The following SNRK variants were observed in gnomAD, a reference collection of about 807,000 sequenced individuals.
The protein encoded by SNRK is SNF-related serine/threonine-protein kinase.
A neutral mutation model predicts 48.2 loss-of-function variants in SNRK; 3 were observed. That is an observed-to-expected ratio of 0.06 (90% confidence interval 0.03 to 0.16). SNRK has a LOEUF of 0.16. Among genes scored for constraint, SNRK ranks in the 10% least tolerant of loss-of-function variants. SNRK has a pLI of 1.00. For missense variants in SNRK, 627 were observed against 976.0 expected (o/e 0.64, Z 4.76); for synonymous variants, 376 against 366.1 (o/e 1.03, Z -0.31).
chr3:43,334,447 T>G (rs1052380836), intron 4 of SNRK, among the ~76,000 whole-genome samples: 2 of 151,314 alleles, frequency 1.3e-5, no homozygotes, highest in Non-Finnish European at 2.9e-5. Flanking sequence ...GGTAACAGAG[T>G]AAGACCCTGT....
chr3:43,335,110 T>C (rs547289137), intron 4 of SNRK, among the ~76,000 whole-genome samples: 18 of 152,328 alleles, frequency 1.2e-4, no homozygotes, highest in Middle Eastern at 3.4e-3. Flanking sequence ...TTTTCTCTTG[T>C]CTGTAGTATT....
At chr3:43,338,818 A>G (rs904268519) in intron 4 of SNRK, among the ~76,000 whole-genome samples, 4 of 152,114 alleles carry the variant, frequency 2.6e-5, no homozygotes, top group Non-Finnish European at 5.9e-5. Flanking sequence ...TTTTTTCTCA[A>G]CTGCCTAGTA....
chr3:43,319,197 G>A (rs544214555), intron 3 of SNRK, among the ~76,000 whole-genome samples: 1 of 152,130 alleles, frequency 6.6e-6, no homozygotes, highest in Non-Finnish European at 1.5e-5. Context: ...TGGTCATCAG[G>A]TTGATCTATT....
chr3:43,286,751 T>A (rs1390776596), intron 1 of SNRK, 76 bp downstream of exon 1: 2 of 147,384 alleles, frequency 1.4e-5, no homozygotes, highest in East Asian at 4.0e-4. Context: ...GCCGCCTCAG[T>A]AGCCTCCGCT....
chr3:43,317,213 C>T (rs1296630673), intron 3 of SNRK, among the ~76,000 whole-genome samples: 1 of 152,174 alleles, frequency 6.6e-6, no homozygotes, highest in Non-Finnish European at 1.5e-5. Flanking sequence ...ATGGGGCTGA[C>T]TGGCATAAGT....
intron 3 of SNRK, among the ~76,000 whole-genome samples, chr3:43,316,235 T>G (rs955512019): frequency 3.9e-5 from 6 of 152,226 alleles, no homozygotes; most frequent in African/African-American, 1.2e-4. Flanking sequence ...AAGGCTCAGA[T>G]CAAACAAAAT....
Position 43,347,681 on chromosome 3 carries a change from C to G in SNRK, c.1422C>G (p.Thr474=). The G allele has an allele frequency of 6.2e-7, 1 of 1,613,786 alleles. No individual in the cohort carries two copies. The highest frequency in any genetic ancestry group is 8.5e-7 in the Non-Finnish European group (1 of 1,180,006). The stretch of plus-strand genomic sequence containing the variant: ...TTTTGCGCCGGAAGCCATCTGTAAC[C>G]AACCGCCTGACATCCAGGAAGAGTG... ...QVVLRRKPSV[T]NRLTSRKSAP... The change falls in exon 7 of 7, where the codon ACC becomes ACG. Residue 474 remains threonine, a synonymous_variant. Coordinates refer to ENST00000296088, the MANE Select transcript of SNRK (RefSeq NM_017719.5). This position sits in a 1 kb window ranked among gnomAD's most constrained non-coding sequence, Gnocchi z 5.4.
At chr3:43,296,447 TTTAAGC>T (rs1302426262) in intron 1 of SNRK, among the ~76,000 whole-genome samples, 25 of 147,784 alleles carry the variant, frequency 1.7e-4, no homozygotes, top group Non-Finnish European at 3.4e-4. Flanking sequence ...TATATATATA[TTTAAGC>T]ATTTAATATG....
In SNRK at chr3:43,347,434, C is replaced by T. The variant is rs1307766065; in HGVS notation, c.1175C>T (p.Ala392Val). Residue 392 changes from alanine to valine, a missense_variant, in exon 7 of 7, where the codon GCT becomes GTT. Transcript: ENST00000296088. This position sits in a 1 kb window ranked among gnomAD's most constrained non-coding sequence, Gnocchi z 5.4. Reference sequence around the variant, plus strand: ...CACGCGACTGTCCCTCAGTCTCCTGCTCGGGCTGCTGACAGTGTCCTCAAT... The same window carrying T: ...CACGCGACTGTCCCTCAGTCTCCTGTTCGGGCTGCTGACAGTGTCCTCAAT... The part of the protein sequence containing the change: ...LSHATVPQSP[A>V]RAADSVLNGH... 9.3e-6 allele frequency: 15 copies of T among 1,613,980 alleles called. No individual in the cohort carries two copies. Among genetic ancestry groups the T allele is most frequent in the Non-Finnish European group, 1.1e-5 (13 of 1,180,026 alleles).
intron 1 of SNRK, among the ~76,000 whole-genome samples, chr3:43,287,097 C>G (rs911225205): frequency 6.6e-6 from 1 of 151,760 alleles, no homozygotes; most frequent in African/African-American, 2.4e-5. Flanking sequence ...GGTGTGTGTT[C>G]TTTGAATGCG....
At chr3:43,340,726 A>AAC in intron 5 of SNRK, 1 of 541,638 alleles carries the variant, frequency 1.8e-6, no homozygotes. Context: ...GGGTGGTTTC[A>AAC]GTGAGTGCTG....
intron 6 of SNRK, among the ~76,000 whole-genome samples, chr3:43,343,812 G>A (rs1356541298): frequency 6.6e-6 from 1 of 152,058 alleles, no homozygotes; most frequent in African/African-American, 2.4e-5. Flanking sequence ...GTATTAATCT[G>A]TTATTTTCTT....
Position 43,288,997 on chromosome 3 carries a change from T to C in SNRK, c.-169+2322T>C, listed in dbSNP as rs542080773. Among the ~76,000 whole-genome samples, 9 of 152,318 alleles carry C rather than the reference T, an allele frequency of 5.9e-5. No homozygotes were observed. The East Asian group carries it at 1.5e-3, about 26-fold the overall frequency. On this transcript the variant is annotated intron_variant, in intron 1 of 6. Coordinates refer to ENST00000296088, the MANE Select transcript of SNRK (RefSeq NM_017719.5). ...ATCATTTATTCATGGAATGTTTGTGTGTCTCTTTTGGTGGCCCTAGGGTAG... is the reference window on the plus strand; with the variant it reads ...ATCATTTATTCATGGAATGTTTGTGCGTCTCTTTTGGTGGCCCTAGGGTAG...
intron 1 of SNRK, among the ~76,000 whole-genome samples, chr3:43,288,303 G>A (rs866629010): frequency 7.2e-5 from 11 of 151,988 alleles, no homozygotes; most frequent in Non-Finnish European, 1.6e-4. Flanking sequence ...TACTCTCACC[G>A]TATTTTTTAA....
In SNRK at chr3:43,318,275, T is replaced by C. The variant is rs186713532; in HGVS notation, c.590-13894T>C. Among the ~76,000 whole-genome samples the C allele has an allele frequency of 7.5e-4, 114 of 152,332 alleles. 2 individuals carry two copies. In the East Asian group the frequency reaches 0.02, roughly 27 times the overall value. ...ACATGTTTTTAGTTGTATTTAACTT[T>C]CAGAATGTTATGTTATTTGTATTTA... is the stretch of plus-strand genomic sequence containing the variant. On this transcript the variant is annotated intron_variant, in intron 3 of 6. Transcript: ENST00000296088.
intron 3 of SNRK, among the ~76,000 whole-genome samples, chr3:43,310,614 G>C (rs1048976101): frequency 6.6e-6 from 1 of 151,984 alleles, no homozygotes; most frequent in Non-Finnish European, 1.5e-5. Flanking sequence ...GTCCTTATGT[G>C]TCTAAAATGT....
At position 43,293,492 on chromosome 3, in the gene SNRK, A is replaced by G. The variant is rs150785595; in HGVS notation, c.-168-6262A>G. On this transcript the variant is annotated intron_variant, in intron 1 of 6. Transcript: ENST00000296088. ...CTTTCCTGGAGTATGAAAGCAGCAC[A>G]TATGCACTGTCAAAAATTTTAAAAG... 4.5e-3 allele frequency among the ~76,000 whole-genome samples: 692 copies of G among 152,322 alleles called. 4 individuals carry two copies. The highest frequency in any genetic ancestry group is 0.016 in the African/African-American group (665 of 41,578).
Position 43,348,841 on chromosome 3 carries a change from A to C in SNRK, c.*284A>C. 7.2e-6 allele frequency: 2 copies of C among 277,430 alleles called. No homozygotes were observed. The highest frequency in any genetic ancestry group is 1.3e-5 in the Non-Finnish European group (2 of 149,540). 17.2% of individuals were successfully genotyped at this position (277,430 alleles called of 1,614,324 possible). A position where few individuals can be genotyped will look rare whatever the true frequency, so the allele number is the denominator to read the frequency against. Reference sequence around the variant, plus strand: ...GATATATATCTGGAACCTCTTATAAATGGAGCACTTAGAAATTTGTTGTTC... The same window carrying C: ...GATATATATCTGGAACCTCTTATAACTGGAGCACTTAGAAATTTGTTGTTC... On this transcript the variant is annotated 3_prime_UTR_variant, in exon 7 of 7. Coordinates refer to ENST00000296088, the MANE Select transcript of SNRK (RefSeq NM_017719.5).
rs924172454 is a variant in SNRK at position 43,303,022 on chromosome 3, C to CA, written c.-106-70dup. On this transcript the variant is annotated intron_variant, in intron 2 of 6. Transcript: ENST00000296088. The surrounding 1 kb of genome is among the most constrained non-coding windows in gnomAD (Gnocchi z 6.2). Reference sequence around the variant, plus strand: ...CAAGTTTCTCTTAAAATGAAAAAAACAAAAAATGAAGTGATTTTAAAGTTT... The same window carrying CA: ...CAAGTTTCTCTTAAAATGAAAAAAACAAAAAAATGAAGTGATTTTAAAGTTT... 25 of 458,276 alleles carry CA rather than the reference C, an allele frequency of 5.5e-5. No homozygotes were observed. Among genetic ancestry groups the CA allele is most frequent in the African/African-American group, 3.8e-4 (19 of 49,540 alleles). The allele number at this position is 458,276 out of a possible 1,614,324, so 28.4% of individuals were successfully genotyped here.
Sources: allele counts gnomAD v4.1 joint callset (sites outside exome capture counted in the v4.1 genomes callset), GRCh38; gene constraint gnomAD v4.1.1; non-coding constraint Gnocchi (gnomAD v3.1); transcripts MANE v1.5; gene names NCBI Gene and HGNC (gene_info 2026-07-23, HGNC 2026-07-21).